CHL1: variants seen among roughly 807,000 people sequenced by gnomAD.
CHL1 encodes cell adhesion molecule L1 like, also known as neural cell adhesion molecule L1-like protein.
A neutral mutation model predicts 141.9 loss-of-function variants in CHL1; 96 were observed. The observed-to-expected ratio is 0.68, with a 90% CI of 0.57 to 0.80. The LOEUF is 0.80. CHL1 is among the 30% of genes least tolerant of loss of function. The probability of loss-of-function intolerance (pLI) is 0.00; values close to 1 mark genes in which losing one functional copy is unlikely to be tolerated. For synonymous variants in CHL1, 613 were observed against 502.2 expected, an observed-to-expected ratio of 1.22 and a Z score of -2.95; for missense variants, 1,820 against 1,457.2, an observed-to-expected ratio of 1.25 and a Z score of -4.05.
chr3:293,335 C>G (rs993210548), intron 2 of CHL1, among the ~76,000 whole-genome samples: 1 of 152,004 alleles, frequency 6.6e-6, no homozygotes, highest in African/African-American at 2.4e-5. Context: ...AAACTTGTCT[C>G]TACTAAAAAT....
chr3:339,623 G>C (rs1173765285), intron 5 of CHL1, among the ~76,000 whole-genome samples: 1 of 152,138 alleles, frequency 6.6e-6, no homozygotes, highest in Non-Finnish European at 1.5e-5. Flanking sequence ...GCCTTGGAAG[G>C]TCCTTGAATT....
In CHL1 at chr3:354,676, T is replaced by G; in HGVS notation, c.1070T>G (p.Val357Gly). ...PRWTKKPQSA[V>G]YSTGSNGILL... Reference sequence around the variant, plus strand: ...TGGACAAAGAAGCCTCAGAGTGCTGTGTATAGCACCGGAAGCAATGGCATC... The same window carrying G: ...TGGACAAAGAAGCCTCAGAGTGCTGGGTATAGCACCGGAAGCAATGGCATC... The change falls in exon 11 of 28, where the codon GTG becomes GGG. Residue 357 changes from valine (V) to glycine (G), a missense_variant. Physicochemically the swap from Val to Gly is moderately radical, Grantham distance 109 (BLOSUM62 -3). Coordinates refer to ENST00000256509, the MANE Select transcript of CHL1 (RefSeq NM_006614.4). The G allele has an allele frequency of 6.2e-7, 1 of 1,613,968 alleles. No homozygotes were observed.
At chr3:303,294 C>T (rs1239024230) in intron 2 of CHL1, among the ~76,000 whole-genome samples, 2 of 140,004 alleles carry the variant, frequency 1.4e-5, no homozygotes, top group East Asian at 4.0e-4. Flanking sequence ...TCACTGGTAG[C>T]TTGATGGGGA....
intron 1 of CHL1, chr3:198,176 TGGG>T: frequency 5.7e-6 from 1 of 176,878 alleles, no homozygotes; most frequent in Non-Finnish European, 1.2e-5. Context: ...GGGGAAGGGG[TGGG>T]AGGCCGGCGG....
chr3:327,247 C>A (rs1253275349), intron 4 of CHL1, among the ~76,000 whole-genome samples: 3 of 151,826 alleles, frequency 2.0e-5, no homozygotes, highest in Non-Finnish European at 4.4e-5. Flanking sequence ...AAGAATATGG[C>A]GTCCTGAAAT....
intron 1 of CHL1, among the ~76,000 whole-genome samples, chr3:237,734 T>G (rs908466205): frequency 6.6e-6 from 1 of 152,220 alleles, no homozygotes; most frequent in Non-Finnish European, 1.5e-5. Flanking sequence ...GTACTTGTAT[T>G]ACGTGAGATT....
At chr3:361,488 T>C (rs937744999) in intron 12 of CHL1, among the ~76,000 whole-genome samples, 2 of 151,974 alleles carry the variant, frequency 1.3e-5, no homozygotes, top group African/African-American at 4.8e-5. Flanking sequence ...AAAGGGCTAA[T>C]ATCCAGAATC....
intron 2 of CHL1, among the ~76,000 whole-genome samples, chr3:271,792 T>C (rs1218633917): frequency 6.6e-6 from 1 of 152,008 alleles, no homozygotes; most frequent in African/African-American, 2.4e-5. Context: ...TTGATGAATG[T>C]GGGTAAGGAT....
At chr3:397,442 G>T (rs1439020262) in intron 24 of CHL1, among the ~76,000 whole-genome samples, 1 of 151,928 alleles carries the variant, frequency 6.6e-6, no homozygotes, top group Non-Finnish European at 1.5e-5. Context: ...GTCTCAGTAA[G>T]AAACATATTT....
intron 19 of CHL1, among the ~76,000 whole-genome samples, chr3:386,787 G>A (rs1170938831): frequency 6.6e-6 from 1 of 151,880 alleles, no homozygotes; most frequent in Admixed American, 6.6e-5. Context: ...AGACCTACTG[G>A]CTTTAAAATG....
chr3:238,767 AT>A (rs1376266641), intron 1 of CHL1, among the ~76,000 whole-genome samples: 84 of 56,674 alleles, frequency 1.5e-3, no homozygotes, highest in African/African-American at 3.0e-3. Flanking sequence ...TCTACTAAAA[AT>A]ACAAAAAAAA....
intron 5 of CHL1, among the ~76,000 whole-genome samples, chr3:329,236 G>A (rs1375240360): frequency 9.2e-5 from 14 of 151,984 alleles, no homozygotes; most frequent in Admixed American, 9.2e-4. Context: ...GTATAAAACT[G>A]TCAGCCAGCT....
At chr3:332,024 C>T (rs1013544953) in intron 5 of CHL1, among the ~76,000 whole-genome samples, 1 of 152,210 alleles carries the variant, frequency 6.6e-6, no homozygotes, top group African/African-American at 2.4e-5. Flanking sequence ...TTTCTAATCC[C>T]CTCCTTCGTT....
intron 15 of CHL1, among the ~76,000 whole-genome samples, chr3:367,754 TG>T (rs1418808093): frequency 2.0e-5 from 3 of 152,168 alleles, no homozygotes; most frequent in Non-Finnish European, 4.4e-5. Flanking sequence ...GATGGTTTGC[TG>T]CACCTATTGA....
chr3:341,485 C>A (rs552215922), intron 6 of CHL1, among the ~76,000 whole-genome samples: 50 of 152,118 alleles, frequency 3.3e-4, no homozygotes, highest in Non-Finnish European at 6.8e-4. Flanking sequence ...ATTAATATCA[C>A]GGATAAAACT....
chr3:270,278 A>G (rs1470282487), intron 2 of CHL1, among the ~76,000 whole-genome samples: 1 of 152,230 alleles, frequency 6.6e-6, no homozygotes, highest in Non-Finnish European at 1.5e-5. Flanking sequence ...AAAAATGGAA[A>G]TATTTCAGGC....
At chr3:300,792 G>A (rs948103419) in intron 2 of CHL1, among the ~76,000 whole-genome samples, 2 of 151,746 alleles carry the variant, frequency 1.3e-5, no homozygotes, top group African/African-American at 2.4e-5. Context: ...ACAAAAAAAA[G>A]AGAAAACCCT....
chr3:333,982 G>A (rs368439928), intron 5 of CHL1, among the ~76,000 whole-genome samples: 2 of 151,974 alleles, frequency 1.3e-5, no homozygotes, highest in African/African-American at 4.8e-5. Context: ...TTTGAGACAG[G>A]ATCTTGCTCT....
intron 1 of CHL1, among the ~76,000 whole-genome samples, chr3:244,188 T>G (rs1380924869): frequency 6.6e-6 from 1 of 152,166 alleles, no homozygotes; most frequent in Admixed American, 6.6e-5. Flanking sequence ...GCTCTCCTCG[T>G]TTTGGTCCAT....
Sources: allele counts gnomAD v4.1 joint callset (sites outside exome capture counted in the v4.1 genomes callset), GRCh38; gene constraint gnomAD v4.1.1; transcripts MANE v1.5; gene names NCBI Gene and HGNC (gene_info 2026-07-23, HGNC 2026-07-21).